The following AMPH variants were observed in gnomAD, a reference collection of about 807,000 sequenced individuals.
The protein encoded by AMPH is amphiphysin, also known as amphiphysin (Stiff-Mann syndrome with breast cancer 128kD autoantigen).
A neutral mutation model predicts 99.1 loss-of-function variants in AMPH; 49 were observed. The observed-to-expected ratio is 0.49, with a 90% CI of 0.39 to 0.63. The LOEUF (loss-of-function observed/expected upper bound fraction) is 0.63. AMPH is among the 20% of genes least tolerant of loss of function. The pLI, the probability that AMPH is intolerant of heterozygous loss-of-function variation, is 0.00. For synonymous variants in AMPH, 314 were observed against 317.3 expected, an observed-to-expected ratio of 0.99 and a Z score of 0.11; for missense variants, 759 against 863.4, an observed-to-expected ratio of 0.88 and a Z score of 1.52.
chr7:38,585,727 T>C (rs915801013), intron 1 of AMPH, among the ~76,000 whole-genome samples: 2 of 152,276 alleles, frequency 1.3e-5, no homozygotes, highest in African/African-American at 4.8e-5. Context: ...CTTAATAGGC[T>C]ATTTAAATGC....
At position 38,429,567 on chromosome 7, in the gene AMPH, G is replaced by A. The variant is rs1210322332; in HGVS notation, c.1182+275C>T. The A allele has an allele frequency of 2.1e-6, 3 of 1,443,022 alleles. No homozygotes were observed. The South Asian group carries it at 3.7e-5, about 18-fold the overall frequency. The allele number at this position is 1,443,022 out of a possible 1,614,324, so 89.4% of individuals were successfully genotyped here. ...CAGGTTACACAAGGAAAGACTTTCT[G>A]AAGAGTCAGTCTTTAAAGTATGCAG... On this transcript the variant is annotated intron_variant, in intron 14 of 20. Coordinates refer to ENST00000356264, the MANE Select transcript of AMPH (RefSeq NM_001635.4).
intron 7 of AMPH, among the ~76,000 whole-genome samples, chr7:38,470,106 A>C (rs756626032): frequency 3.9e-5 from 6 of 152,104 alleles, no homozygotes; most frequent in Non-Finnish European, 7.4e-5. Flanking sequence ...GGTCAGTCCT[A>C]TCAACACCCT....
chr7:38,539,123 T>TA (rs973046525), intron 1 of AMPH, among the ~76,000 whole-genome samples: 18 of 152,078 alleles, frequency 1.2e-4, no homozygotes, highest in African/African-American at 4.1e-4. Flanking sequence ...GACCCAGAGG[T>TA]ATGGTCAAAC....
chr7:38,456,003 G>C (rs1472194679), intron 11 of AMPH, among the ~76,000 whole-genome samples: 1 of 152,122 alleles, frequency 6.6e-6, no homozygotes, highest in Non-Finnish European at 1.5e-5. Flanking sequence ...ACAGCTACCT[G>C]CCTATACTAC....
intron 2 of AMPH, among the ~76,000 whole-genome samples, chr7:38,519,839 A>G (rs1325921447): frequency 6.6e-6 from 1 of 152,196 alleles, no homozygotes; most frequent in Non-Finnish European, 1.5e-5. Flanking sequence ...TGTTCATTGC[A>G]GTACTATTGA....
intron 1 of AMPH, among the ~76,000 whole-genome samples, chr7:38,579,595 T>G (rs1251472502): frequency 6.6e-6 from 1 of 152,240 alleles, no homozygotes; most frequent in African/African-American, 2.4e-5. Context: ...AAGTGAAATC[T>G]TAAGAGATAA....
chr7:38,613,156 C>T (rs1793744245), intron 1 of AMPH, among the ~76,000 whole-genome samples: 1 of 152,174 alleles, frequency 6.6e-6, no homozygotes, highest in Non-Finnish European at 1.5e-5. Flanking sequence ...GATTTGAATC[C>T]ATAATTGACT....
intron 5 of AMPH, among the ~76,000 whole-genome samples, chr7:38,480,995 T>C (rs1463308434): frequency 6.6e-6 from 1 of 152,174 alleles, no homozygotes; most frequent in Non-Finnish European, 1.5e-5. Flanking sequence ...GTGCACTGGG[T>C]AATCTTATTT....
intron 2 of AMPH, among the ~76,000 whole-genome samples, chr7:38,529,371 G>C (rs900776880): frequency 6.6e-6 from 1 of 152,232 alleles, no homozygotes; most frequent in East Asian, 1.9e-4. Flanking sequence ...TCCTCAATGT[G>C]TTGTCCCTGG....
intron 1 of AMPH, among the ~76,000 whole-genome samples, chr7:38,591,072 G>T (rs1315329424): frequency 2.6e-5 from 4 of 152,088 alleles, no homozygotes. Context: ...CTTCTCACCA[G>T]TTGTCTTATA....
At chr7:38,479,411 A>C (rs947707289) in intron 5 of AMPH, among the ~76,000 whole-genome samples, 6 of 152,134 alleles carry the variant, frequency 3.9e-5, no homozygotes, top group Non-Finnish European at 7.4e-5. Context: ...ATTCATTGCC[A>C]GCATAAGAAT....
chr7:38,391,614 G>A (rs1038118067), intron 19 of AMPH, 134 bp downstream of exon 19: 54 of 851,542 alleles, frequency 6.3e-5, no homozygotes, highest in Middle Eastern at 3.5e-4. Context: ...TCCAAGTGAT[G>A]TTGTGGTGAA....
intron 1 of AMPH, among the ~76,000 whole-genome samples, chr7:38,542,903 G>A (rs1790859181): frequency 6.6e-6 from 1 of 152,090 alleles, no homozygotes; most frequent in African/African-American, 2.4e-5. Flanking sequence ...AGACCAGCTT[G>A]GCCAATATGG....
At chr7:38,614,041 G>A (rs1018058306) in intron 1 of AMPH, among the ~76,000 whole-genome samples, 34 of 152,060 alleles carry the variant, frequency 2.2e-4, no homozygotes, top group Non-Finnish European at 1.2e-4. Context: ...ACCGGGAAAG[G>A]GAAAGGCAGC....
At chr7:38,408,730 G>A (rs973248283) in intron 17 of AMPH, among the ~76,000 whole-genome samples, 31 of 136,902 alleles carry the variant, frequency 2.3e-4, no homozygotes, top group Non-Finnish European at 3.1e-5. Flanking sequence ...CAGCCTGGGT[G>A]ACAGAGCGAG....
intron 1 of AMPH, among the ~76,000 whole-genome samples, chr7:38,584,458 C>T (rs973541908): frequency 6.6e-6 from 1 of 152,160 alleles, no homozygotes; most frequent in African/African-American, 2.4e-5. Flanking sequence ...CATGAGATGT[C>T]GCCGCAGTGA....
chr7:38,391,323 C>T (rs934461682), intron 19 of AMPH, among the ~76,000 whole-genome samples: 6 of 152,128 alleles, frequency 3.9e-5, no homozygotes, highest in African/African-American at 1.4e-4. Context: ...TTTATGGGCT[C>T]CCTACTCTGT....
At chr7:38,570,112 C>T (rs1791888717) in intron 1 of AMPH, among the ~76,000 whole-genome samples, 1 of 152,156 alleles carries the variant, frequency 6.6e-6, no homozygotes, top group Non-Finnish European at 1.5e-5. Flanking sequence ...AGGCCCAGGA[C>T]TCCAAGTCTG....
chr7:38,499,085 C>T (rs1789036188), intron 3 of AMPH, among the ~76,000 whole-genome samples: 1 of 152,198 alleles, frequency 6.6e-6, no homozygotes, highest in South Asian at 2.1e-4. Context: ...ATTCCTGCCC[C>T]AGTCTCTTGC....
Sources: allele counts gnomAD v4.1 joint callset (sites outside exome capture counted in the v4.1 genomes callset), GRCh38; gene constraint gnomAD v4.1.1; transcripts MANE v1.5; gene names NCBI Gene and HGNC (gene_info 2026-07-23, HGNC 2026-07-21).